The following KIAA1549 variants were observed in gnomAD, a reference collection of about 807,000 sequenced individuals.
KIAA1549 encodes KIAA1549, also known as UPF0606 protein KIAA1549.
Under a neutral mutation model 156.4 loss-of-function variants are expected in KIAA1549, and 70 were observed. The ratio of observed to expected loss-of-function variants is 0.45; its 90% confidence interval spans 0.37 to 0.55. The LOEUF (loss-of-function observed/expected upper bound fraction) is 0.55. KIAA1549 is among the 20% of genes least tolerant of loss of function. KIAA1549 has a pLI of 0.00. For synonymous variants in KIAA1549, 1,103 were observed against 1,066.4 expected, an observed-to-expected ratio of 1.03 and a Z score of -0.67; for missense variants, 2,428 against 2,540.9, an observed-to-expected ratio of 0.96 and a Z score of 0.96.
intron 8 of KIAA1549, among the ~76,000 whole-genome samples, chr7:138,901,964 A>G (rs147337048): frequency 2.7e-5 from 2 of 72,782 alleles, no homozygotes. Context: ...TTAGCACTGT[A>G]TTATACTTTC....
At chr7:138,906,620 C>T (rs112036289) in intron 6 of KIAA1549, among the ~76,000 whole-genome samples, 32 of 152,194 alleles carry the variant, frequency 2.1e-4, no homozygotes, top group Non-Finnish European at 4.6e-4. Context: ...GACACAAAGG[C>T]ATAAGAATGA....
intron 1 of KIAA1549, among the ~76,000 whole-genome samples, chr7:138,971,343 T>C (rs1202458461): frequency 6.6e-6 from 1 of 152,040 alleles, no homozygotes; most frequent in African/African-American, 2.4e-5. Context: ...CCCATACATC[T>C]CTGTCCCCAG....
At chr7:138,959,858 T>C (rs75790316) in intron 1 of KIAA1549, among the ~76,000 whole-genome samples, 1,756 of 152,334 alleles carry the variant, frequency 0.012, 17 homozygotes, top group Admixed American at 0.016. Context: ...CTTTAAACAG[T>C]GCTCTCAAGG....
At position 138,917,541 on chromosome 7, in the gene KIAA1549, C is replaced by A. The variant is rs1812372433; in HGVS notation, c.2085G>T (p.Gln695His). ...LPSSTNLEFSQLQPSSELPLN... is the reference protein window; with the variant it reads ...LPSSTNLEFSHLQPSSELPLN... ...AAGGCAGCTCGGAACTTGGCTGGAG[C>A]TGCGAAAACTCAAGATTTGTGGAAC... is the stretch of plus-strand genomic sequence containing the variant. The change falls in exon 2 of 20, where the codon CAG becomes CAT. Residue 695 changes from glutamine (Q) to histidine (H), a missense_variant. Transcript: ENST00000422774. 3.7e-6 allele frequency: 6 copies of A among 1,613,780 alleles called. No homozygotes were observed. The highest frequency in any genetic ancestry group is 5.1e-6 in the Non-Finnish European group (6 of 1,179,884).
chr7:138,848,556 G>A (rs1178439312), intron 17 of KIAA1549, among the ~76,000 whole-genome samples: 1 of 152,112 alleles, frequency 6.6e-6, no homozygotes, highest in Non-Finnish European at 1.5e-5. Flanking sequence ...GTCTACTGCT[G>A]GTTATGCTCA....
chr7:138,890,124 G>A (rs1385206173), intron 10 of KIAA1549, among the ~76,000 whole-genome samples: 1 of 152,172 alleles, frequency 6.6e-6, no homozygotes, highest in Admixed American at 6.5e-5. Flanking sequence ...GAGGGAACAG[G>A]CCACAGTGTC....
Position 138,917,045 on chromosome 7 carries a change from T to C in KIAA1549, c.2581A>G (p.Thr861Ala). 1.2e-6 allele frequency: 2 copies of C among 1,607,558 alleles called. No individual in the cohort carries two copies. The highest frequency in any genetic ancestry group is 1.7e-5 in the Admixed American group (1 of 59,648). Reference protein sequence around the residue: ...VSEATPFPLPTELTVVGPSLT... With the variant: ...VSEATPFPLPAELTVVGPSLT... ...GATGGGCCCACGACGGTCAGCTCTGTGGGCAGAGGGAAGGGGGTTGCTTCA... is the reference window on the plus strand; with the variant it reads ...GATGGGCCCACGACGGTCAGCTCTGCGGGCAGAGGGAAGGGGGTTGCTTCA... The change falls in exon 2 of 20, where the codon ACA becomes GCA. Residue 861 changes from threonine (T) to alanine (A), a missense_variant. Physicochemically the swap from Thr to Ala is moderately conservative, Grantham distance 58. Transcript: ENST00000422774.
Position 138,898,956 on chromosome 7 carries a change from C to T in KIAA1549, c.3846G>A (p.Gln1282=). The T allele has an allele frequency of 1.2e-6, 2 of 1,613,756 alleles. No homozygotes were observed. The highest frequency in any genetic ancestry group is 2.2e-5 in the South Asian group (2 of 91,072). The change falls in exon 9 of 20, where the codon CAG becomes CAA. Residue 1282 remains glutamine, a splice_region_variant and synonymous_variant. Transcript: ENST00000422774. The stretch of plus-strand genomic sequence containing the variant: ...GACGACAACACCTCAGGCACTTACG[C>T]TGGGCAATGACACCTTGAATTCGGT... ...LGYRIQGVIA[Q]PVDRVKRPSP...
chr7:138,850,111 T>C lies in KIAA1549; in HGVS notation c.5294+2112A>G, dbSNP rs564163325. 1.3e-4 allele frequency among the ~76,000 whole-genome samples: 20 copies of C among 152,274 alleles called. No individual in the cohort carries two copies. The East Asian group carries it at 2.7e-3, about 21-fold the overall frequency. ...GGAATTGCTGAGTCAAACAGTAGTTTTGTTTTTTTAACATCAATTAAATTA... is the reference window on the plus strand; with the variant it reads ...GGAATTGCTGAGTCAAACAGTAGTTCTGTTTTTTTAACATCAATTAAATTA... On this transcript the variant is annotated intron_variant, in intron 17 of 19. Coordinates refer to ENST00000422774, the MANE Select transcript of KIAA1549 (RefSeq NM_001164665.2).
At chr7:138,922,534 A>C (rs865979681) in intron 1 of KIAA1549, among the ~76,000 whole-genome samples, 1 of 152,192 alleles carries the variant, frequency 6.6e-6, no homozygotes. Flanking sequence ...TTCATTTAAA[A>C]TAATAAAGAC....
At chr7:138,883,824 C>T (rs985547304) in intron 10 of KIAA1549, among the ~76,000 whole-genome samples, 2 of 152,208 alleles carry the variant, frequency 1.3e-5, no homozygotes, top group Non-Finnish European at 2.9e-5. Context: ...ATTCCACATC[C>T]ACACAGTGAC....
intron 1 of KIAA1549, among the ~76,000 whole-genome samples, chr7:138,976,527 C>T (rs1007252758): frequency 4.6e-5 from 7 of 152,142 alleles, no homozygotes; most frequent in Non-Finnish European, 7.3e-5. Context: ...AGCATATTCA[C>T]GTTTTATTAC....
chr7:138,929,291 C>T (rs10257900), intron 1 of KIAA1549, among the ~76,000 whole-genome samples: 33,902 of 152,144 alleles, frequency 0.22, 4,270 homozygotes, highest in African/African-American at 0.34. Flanking sequence ...ATATTCACAG[C>T]ATCTTCACCA....
At position 138,844,328 on chromosome 7, in the gene KIAA1549, C is replaced by A. The variant is rs773456867; in HGVS notation, c.5441G>T (p.Gly1814Val). 4 of 1,613,916 alleles carry A rather than the reference C, an allele frequency of 2.5e-6. No homozygotes were observed. The highest frequency in any genetic ancestry group is 2.2e-5 in the East Asian group (1 of 44,878). ...ACAGCCACATATACCTGTGGTACCC[C>A]CGACAGGCCGAGGCCGGGCCACCGA... is the stretch of plus-strand genomic sequence containing the variant. The part of the protein sequence containing the change: ...MPSVARPRPV[G>V]GTTGSQIQHL... Residue 1814 changes from glycine to valine, a missense_variant, in exon 18 of 20, where the codon GGG becomes GTG. Coordinates refer to ENST00000422774, the MANE Select transcript of KIAA1549 (RefSeq NM_001164665.2).
chr7:138,909,217 C>A, intron 4 of KIAA1549, 96 bp from the exon 5 acceptor site: 3 of 1,242,960 alleles, frequency 2.4e-6, no homozygotes, highest in Non-Finnish European at 3.4e-6. Flanking sequence ...CTAAATCAAC[C>A]AATTCATCCA....
At chr7:138,846,862 T>C (rs1373323074) in intron 17 of KIAA1549, among the ~76,000 whole-genome samples, 2 of 152,216 alleles carry the variant, frequency 1.3e-5, no homozygotes, top group Non-Finnish European at 2.9e-5. Flanking sequence ...GACTTGCACT[T>C]ATTCTCCAGT....
At chr7:138,968,878 A>C (rs905840436) in intron 1 of KIAA1549, among the ~76,000 whole-genome samples, 1 of 151,764 alleles carries the variant, frequency 6.6e-6, no homozygotes, top group Non-Finnish European at 1.5e-5. Flanking sequence ...AAAAAAAAAA[A>C]AACACCTTGT....
intron 1 of KIAA1549, among the ~76,000 whole-genome samples, chr7:138,968,957 G>T (rs1814130243): frequency 6.6e-6 from 1 of 151,576 alleles, no homozygotes; most frequent in African/African-American, 2.4e-5. Flanking sequence ...TAGGTTTGGG[G>T]TGTAAGTGCA....
rs1379083608 is a variant in KIAA1549, at chr7:138,981,339, G to A, written c.-70C>T. ...GGGTCCGGGAGGGGCGGCCGCTGCGGCTGCGGCTGGGACGGGGCGCCGCGC... is the reference window on the plus strand; with the variant it reads ...GGGTCCGGGAGGGGCGGCCGCTGCGACTGCGGCTGGGACGGGGCGCCGCGC... On this transcript the variant is annotated 5_prime_UTR_variant, in exon 1 of 20. Coordinates refer to ENST00000422774, the MANE Select transcript of KIAA1549 (RefSeq NM_001164665.2). The surrounding 1 kb of genome is among the most constrained non-coding windows in gnomAD (Gnocchi z 4.5). 10 of 643,620 alleles carry A rather than the reference G, an allele frequency of 1.6e-5. No individual in the cohort carries two copies. Among genetic ancestry groups the A allele is most frequent in the Non-Finnish European group, 1.9e-5 (10 of 520,628 alleles). 39.9% of individuals were successfully genotyped at this position (643,620 alleles called of 1,614,324 possible).
Sources: allele counts gnomAD v4.1 joint callset (sites outside exome capture counted in the v4.1 genomes callset), GRCh38; gene constraint gnomAD v4.1.1; non-coding constraint Gnocchi (gnomAD v3.1); transcripts MANE v1.5; gene names NCBI Gene and HGNC (gene_info 2026-07-23, HGNC 2026-07-21).